THADA: variants seen among roughly 807,000 people sequenced by gnomAD.
THADA encodes THADA armadillo repeat containing.
Under a neutral mutation model 219.8 loss-of-function variants are expected in THADA, and 213 were observed. The observed-to-expected ratio is 0.97, with a 90% CI of 0.87 to 1.09. The LOEUF (loss-of-function observed/expected upper bound fraction) is 1.09, where lower values mean the gene tolerates loss of function less well. Ranked by LOEUF, THADA falls within the 50% of genes least tolerant of loss-of-function variation. The pLI is 0.00. For missense variants in THADA, 2,956 were observed against 2,311.3 expected, an observed-to-expected ratio of 1.28 and a Z score of -5.72; for synonymous variants, 1,018 against 828.9, an observed-to-expected ratio of 1.23 and a Z score of -3.92.
At chr2:43,324,315 C>T (rs1679083498) in intron 30 of THADA, among the ~76,000 whole-genome samples, 1 of 152,222 alleles carries the variant, frequency 6.6e-6, no homozygotes, top group African/African-American at 2.4e-5. Flanking sequence ...CCTTACTGGC[C>T]TCCTGGGACA....
chr2:43,451,802 T>A (rs947283793), intron 26 of THADA, among the ~76,000 whole-genome samples: 3 of 152,236 alleles, frequency 2.0e-5, no homozygotes, highest in African/African-American at 7.2e-5. Context: ...TTGTCTCATC[T>A]ACTATACTAT....
intron 29 of THADA, among the ~76,000 whole-genome samples, chr2:43,396,762 G>A (rs1218006851): frequency 2.6e-5 from 4 of 151,846 alleles, no homozygotes; most frequent in Non-Finnish European, 5.9e-5. Context: ...AGTGAGCCGA[G>A]ACTGCACCAC....
intron 14 of THADA, 142 bp downstream of exon 14, chr2:43,570,246 G>T: frequency 1.3e-6 from 1 of 793,534 alleles, no homozygotes; most frequent in Non-Finnish European, 1.9e-6. Context: ...CAAAGCACCA[G>T]AAATAGGTAA....
intron 26 of THADA, among the ~76,000 whole-genome samples, chr2:43,467,145 G>A (rs1684342299): frequency 1.8e-5 from 2 of 114,016 alleles, no homozygotes; most frequent in Admixed American, 1.2e-4. Flanking sequence ...TCGCGCCACT[G>A]CACTCCAGCC....
intron 26 of THADA, among the ~76,000 whole-genome samples, chr2:43,453,602 A>G (rs1256569013): frequency 1.3e-5 from 2 of 152,176 alleles, no homozygotes; most frequent in East Asian, 3.8e-4. Flanking sequence ...ATATTCCAAG[A>G]TGAGAGTCCT....
intron 35 of THADA, among the ~76,000 whole-genome samples, chr2:43,283,500 G>T (rs947833457): frequency 6.6e-5 from 10 of 152,254 alleles, no homozygotes; most frequent in African/African-American, 2.4e-4. Context: ...TGCTGACAGT[G>T]ATATGGGCAA....
rs1700161912 is a variant in THADA, at chr2:43,579,239, C to G, written c.722-632G>C. Reference sequence around the variant, plus strand: ...CGCCAACTATTGCTTCCCAAAACACCTAACAGCAACACCACCTGTCCCCTC... The same window carrying G: ...CGCCAACTATTGCTTCCCAAAACACGTAACAGCAACACCACCTGTCCCCTC... On this transcript the variant is annotated intron_variant, in intron 8 of 37. Transcript: ENST00000405975. Among the ~76,000 whole-genome samples, 5 of 152,174 alleles carry G rather than the reference C, an allele frequency of 3.3e-5. No individual in the cohort carries two copies. The South Asian group carries it at 1.0e-3, about 32-fold the overall frequency.
chr2:43,548,663 C>A (rs917266123), intron 20 of THADA, among the ~76,000 whole-genome samples: 1 of 152,234 alleles, frequency 6.6e-6, no homozygotes, highest in Non-Finnish European at 1.5e-5. Flanking sequence ...GGCGTAGGAC[C>A]CTCTGAGCCA....
intron 29 of THADA, among the ~76,000 whole-genome samples, chr2:43,387,320 A>G (rs1672809126): frequency 6.6e-6 from 1 of 152,230 alleles, no homozygotes; most frequent in Non-Finnish European, 1.5e-5. Context: ...GCAGGTTGGA[A>G]CAAGGACATG....
At chr2:43,533,323 C>T (rs1268357089) in intron 21 of THADA, among the ~76,000 whole-genome samples, 1 of 152,206 alleles carries the variant, frequency 6.6e-6, no homozygotes, top group Non-Finnish European at 1.5e-5. Flanking sequence ...TTGTGGAAGA[C>T]AGTGTGGCGA....
intron 29 of THADA, among the ~76,000 whole-genome samples, chr2:43,351,342 C>G (rs914931517): frequency 2.0e-5 from 3 of 152,098 alleles, no homozygotes; most frequent in Non-Finnish European, 4.4e-5. Context: ...GAACAATTTC[C>G]CATTCGTAAC....
At chr2:43,241,158 C>G (rs1389940069) in intron 36 of THADA, among the ~76,000 whole-genome samples, 3 of 152,098 alleles carry the variant, frequency 2.0e-5, no homozygotes, top group African/African-American at 7.2e-5. Flanking sequence ...GTGGCACAAT[C>G]ACAGCTCACT....
chr2:43,556,394 A>C lies in THADA; in HGVS notation c.2625T>G (p.Cys875Trp), dbSNP rs2103908564. 1.2e-6 allele frequency: 2 copies of C among 1,613,858 alleles called. No homozygotes were observed. The highest frequency in any genetic ancestry group is 4.5e-5 in the East Asian group (2 of 44,874). Reference sequence around the variant, plus strand: ...CAGCAGCAGGCCTATCTCCATTATCACATGCAACTTGCTGAGTTAAGTAGG... The same window carrying C: ...CAGCAGCAGGCCTATCTCCATTATCCCATGCAACTTGCTGAGTTAAGTAGG... The part of the protein sequence containing the change: ...LSAYLTQQVA[C>W]DNGDRPAAVV... Residue 875 changes from cysteine to tryptophan, a missense_variant, in exon 17 of 38, where the codon TGT becomes TGG. By Grantham distance (215) the Cys-to-Trp change is radical (BLOSUM62 -2). Transcript: ENST00000405975.
intron 28 of THADA, among the ~76,000 whole-genome samples, chr2:43,414,763 A>T (rs903650045): frequency 2.0e-5 from 3 of 152,186 alleles, no homozygotes; most frequent in African/African-American, 7.2e-5. Flanking sequence ...TCTGATAACA[A>T]TCTGGCACTT....
chr2:43,498,843 G>A lies in THADA; in HGVS notation c.3734C>T (p.Pro1245Leu), dbSNP rs377547583. ...AKAAILGFTS[P>L]VWAVRNSSTL... ...AGTGACAGCACTTACTGCCCAGACC[G>A]GTGATGTAAAACCCAGAATTGCAGC... Residue 1245 changes from proline to leucine, a missense_variant, in exon 25 of 38, where the codon CCG becomes CTG. By Grantham distance (98) the Pro-to-Leu change is moderately conservative (BLOSUM62 -3). Transcript: ENST00000405975. 29 of 1,612,752 alleles carry A rather than the reference G, an allele frequency of 1.8e-5. No homozygotes were observed. The highest frequency in any genetic ancestry group is 1.7e-4 in the African/African-American group (13 of 74,902).
intron 26 of THADA, among the ~76,000 whole-genome samples, chr2:43,437,828 T>G (rs867244814): frequency 6.6e-6 from 1 of 152,044 alleles, no homozygotes; most frequent in Non-Finnish European, 1.5e-5. Context: ...AGGCCACAAA[T>G]GGGGAGAACA....
chr2:43,319,568 G>A (rs1414795610), intron 31 of THADA, among the ~76,000 whole-genome samples: 1 of 152,168 alleles, frequency 6.6e-6, no homozygotes, highest in Non-Finnish European at 1.5e-5. Context: ...TGGGAACAGG[G>A]TTCCATATGA....
At chr2:43,473,664 A>G (rs2104971672) in intron 26 of THADA, among the ~76,000 whole-genome samples, 1 of 151,956 alleles carries the variant, frequency 6.6e-6, no homozygotes, top group South Asian at 2.1e-4. Flanking sequence ...GCTGGAGTGC[A>G]GTGGCGCGAT....
At chr2:43,346,577 C>A (rs1347761114) in intron 29 of THADA, among the ~76,000 whole-genome samples, 1 of 152,218 alleles carries the variant, frequency 6.6e-6, no homozygotes, top group Non-Finnish European at 1.5e-5. Context: ...GAAACCAAAG[C>A]TGCCAGAACC....
Sources: gnomAD v4.1 joint callset for allele counts (sites outside exome capture counted in the v4.1 genomes callset) on GRCh38, gnomAD v4.1.1 for gene constraint, MANE v1.5 for transcripts, NCBI Gene and HGNC (gene_info 2026-07-23, HGNC 2026-07-21) for gene names.